GPHN: variants seen among roughly 807,000 people sequenced by gnomAD.
GPHN encodes gephyrin.
A neutral mutation model predicts 95.5 loss-of-function variants in GPHN; 17 were observed. The ratio of observed to expected loss-of-function variants is 0.18; its 90% CI spans 0.12 to 0.27. The LOEUF (loss-of-function observed/expected upper bound fraction) is 0.27. GPHN is among the 10% of genes least tolerant of loss of function. The probability of loss-of-function intolerance (pLI) is 1.00; values close to 1 mark genes in which losing one functional copy is unlikely to be tolerated. For synonymous variants in GPHN, 320 were observed against 322.5 expected (o/e 0.99, Z 0.08); for missense variants, 660 against 978.1 (o/e 0.67, Z 4.34).
At chr14:66,659,802 CTT>C (rs1175134857) in intron 1 of GPHN, among the ~76,000 whole-genome samples, 1 of 151,890 alleles carries the variant, frequency 6.6e-6, no homozygotes, top group Non-Finnish European at 1.5e-5. Context: ...ATTCTTGTAT[CTT>C]TATATTTTTA....
At chr14:66,827,523 G>T (rs908460368) in intron 4 of GPHN, among the ~76,000 whole-genome samples, 3 of 152,154 alleles carry the variant, frequency 2.0e-5, no homozygotes, top group Non-Finnish European at 2.9e-5. Context: ...TACCAAGGTG[G>T]CTGTGACCGT....
At chr14:67,449,676 G>A in the GPHN span, among the ~76,000 whole-genome samples, 1 of 152,210 alleles carries the variant, frequency 6.6e-6, no homozygotes, top group Non-Finnish European at 1.5e-5. Context: ...ATCTCATCTT[G>A]TAGCTCCCAT....
intron 1 of GPHN, among the ~76,000 whole-genome samples, chr14:66,527,139 C>T (rs183317589): frequency 1.5e-4 from 23 of 152,098 alleles, no homozygotes; most frequent in African/African-American, 5.5e-4. Context: ...ATTACTGCCT[C>T]AATTTCAGAA....
chr14:66,882,856 T>TA (rs549713805), intron 5 of GPHN, among the ~76,000 whole-genome samples: 484 of 142,810 alleles, frequency 3.4e-3, no homozygotes, highest in African/African-American at 7.1e-3. Flanking sequence ...CTTTCAGCAT[T>TA]AAAAAAAAAA....
chr14:67,245,734 C>T, the GPHN span, among the ~76,000 whole-genome samples: 3 of 152,138 alleles, frequency 2.0e-5, no homozygotes, highest in Non-Finnish European at 2.9e-5. Flanking sequence ...ATCCTCATAA[C>T]TTCTATACTT....
intron 21 of GPHN, among the ~76,000 whole-genome samples, chr14:67,179,091 A>C (rs2083181596): frequency 6.6e-6 from 1 of 152,190 alleles, no homozygotes; most frequent in Non-Finnish European, 1.5e-5. Flanking sequence ...TCCTGTATTA[A>C]GAATATAAGG....
At chr14:67,500,706 A>G in the GPHN span, among the ~76,000 whole-genome samples, 1 of 150,122 alleles carries the variant, frequency 6.7e-6, no homozygotes, top group South Asian at 2.1e-4. Context: ...CGAGTAGCTG[A>G]GACTACAGGC....
At chr14:67,045,109 T>TA (rs1276610731) in intron 10 of GPHN, among the ~76,000 whole-genome samples, 6 of 152,188 alleles carry the variant, frequency 3.9e-5, no homozygotes, top group African/African-American at 1.4e-4. Context: ...GATCCAGACT[T>TA]ACCGTCTCAA....
the GPHN span, chr14:67,645,862 C>T: frequency 2.5e-5 from 40 of 1,577,226 alleles, no homozygotes; most frequent in Admixed American, 3.5e-5. Context: ...TGGAGTTGGT[C>T]TAGTTCAGTT....
intron 1 of GPHN, among the ~76,000 whole-genome samples, chr14:66,534,723 T>C (rs1044993291): frequency 6.6e-6 from 1 of 152,190 alleles, no homozygotes; most frequent in Admixed American, 6.5e-5. Context: ...TGTCAGTCTT[T>C]TTAATTTCAG....
At chr14:67,526,923 C>T in the GPHN span, among the ~76,000 whole-genome samples, 1 of 152,160 alleles carries the variant, frequency 6.6e-6, no homozygotes, top group Non-Finnish European at 1.5e-5. Context: ...CCATCGAAAA[C>T]CCTGAGCACA....
At chr14:67,169,892 C>T (rs927856259) in intron 21 of GPHN, among the ~76,000 whole-genome samples, 3 of 152,154 alleles carry the variant, frequency 2.0e-5, no homozygotes, top group African/African-American at 7.2e-5. Context: ...GCCTGGCCAA[C>T]GTGGTGAAAC....
At chr14:67,400,135 CAA>C in the GPHN span, among the ~76,000 whole-genome samples, 1 of 152,148 alleles carries the variant, frequency 6.6e-6, no homozygotes, top group Non-Finnish European at 1.5e-5. Context: ...TCGTCTGCAC[CAA>C]AGTTATTTGT....
At chr14:67,125,150 C>T (rs917672899) in intron 17 of GPHN, among the ~76,000 whole-genome samples, 1 of 151,862 alleles carries the variant, frequency 6.6e-6, no homozygotes, top group Non-Finnish European at 1.5e-5. Flanking sequence ...TGATGCAAAT[C>T]TAGGCTTTCT....
chr14:67,099,021 T>A (rs28662990), intron 12 of GPHN, among the ~76,000 whole-genome samples: 1 of 151,846 alleles, frequency 6.6e-6, no homozygotes, highest in East Asian at 1.9e-4. Flanking sequence ...CTCTGAAAGA[T>A]GGCAAAAATA....
intron 1 of GPHN, among the ~76,000 whole-genome samples, chr14:66,610,897 A>G (rs1395308180): frequency 6.6e-6 from 1 of 152,162 alleles, no homozygotes; most frequent in Admixed American, 6.6e-5. Flanking sequence ...GGCCAAGATA[A>G]TCAGACATCT....
At chr14:67,603,996 G>GTTTTTTTTTTTTTTTTTTTTTTTT in the GPHN span, among the ~76,000 whole-genome samples, 1 of 150,144 alleles carries the variant, frequency 6.7e-6, no homozygotes, top group African/African-American at 2.5e-5. Context: ...CTTGTTTTTT[G>GTTTTTTTTTTTTTTTTTTTTTTTT]TTTTTGTTTT....
At chr14:67,071,956 A>C (rs1045608100) in intron 11 of GPHN, among the ~76,000 whole-genome samples, 3 of 152,150 alleles carry the variant, frequency 2.0e-5, no homozygotes. Flanking sequence ...TAATTTACAC[A>C]GCTTTTATTG....
chr14:67,393,394 T>C, the GPHN span, among the ~76,000 whole-genome samples: 1 of 152,174 alleles, frequency 6.6e-6, no homozygotes, highest in Admixed American at 6.5e-5. Flanking sequence ...GCCTTTTGAA[T>C]GGCAAGAGTG....
Sources: gnomAD v4.1 joint callset for allele counts (sites outside exome capture counted in the v4.1 genomes callset) on GRCh38, gnomAD v4.1.1 for gene constraint, MANE v1.5 for transcripts, NCBI Gene and HGNC (gene_info 2026-07-23, HGNC 2026-07-21) for gene names.